CACNA2D3: variants seen among roughly 807,000 people sequenced by gnomAD.
CACNA2D3 encodes voltage-dependent calcium channel subunit alpha-2/delta-3.
Under a neutral mutation model 160.6 loss-of-function variants are expected in CACNA2D3, and 60 were observed. The observed-to-expected ratio is 0.37, with a 90% confidence interval of 0.30 to 0.46. The LOEUF (loss-of-function observed/expected upper bound fraction) is 0.46. CACNA2D3 is among the 20% of genes least tolerant of loss of function. The pLI, the probability that CACNA2D3 is intolerant of heterozygous loss-of-function variation, is 1.00. For missense variants in CACNA2D3, 1,205 were observed against 1,365.0 expected (o/e 0.88, Z 1.85); for synonymous variants, 558 against 492.9 (o/e 1.13, Z -1.75).
chr3:54,562,540 G>T (rs1360181556), intron 5 of CACNA2D3, among the ~76,000 whole-genome samples: 1 of 152,150 alleles, frequency 6.6e-6, no homozygotes, highest in East Asian at 1.9e-4. Context: ...ATATTGAAAG[G>T]TACAAATAAA....
chr3:54,504,090 G>A (rs750672041), intron 5 of CACNA2D3, among the ~76,000 whole-genome samples: 7 of 152,154 alleles, frequency 4.6e-5, no homozygotes, highest in Non-Finnish European at 8.8e-5. Context: ...CCCTGATGTG[G>A]TACCTTTGTT....
At chr3:55,057,886 G>A (rs1031109895) in intron 35 of CACNA2D3, among the ~76,000 whole-genome samples, 1 of 151,816 alleles carries the variant, frequency 6.6e-6, no homozygotes, top group African/African-American at 2.4e-5. Flanking sequence ...AAAATGCTTT[G>A]TTCATGTCAT....
intron 2 of CACNA2D3, among the ~76,000 whole-genome samples, chr3:54,250,991 T>G (rs1023606228): frequency 1.3e-5 from 2 of 152,004 alleles, no homozygotes; most frequent in African/African-American, 4.8e-5. Flanking sequence ...GCATTCTCAG[T>G]AGGAGAAACA....
chr3:54,416,425 A>C (rs1161163518), intron 4 of CACNA2D3, among the ~76,000 whole-genome samples: 2 of 151,902 alleles, frequency 1.3e-5, no homozygotes, highest in African/African-American at 4.8e-5. Context: ...TAGGCACCTG[A>C]CATCTAGTAG....
At position 55,033,784 on chromosome 3, in the gene CACNA2D3, A is replaced by G. The variant is rs1164647977; in HGVS notation, c.2987+15467A>G. On this transcript the variant is annotated intron_variant, in intron 35 of 37. Coordinates refer to ENST00000474759, the MANE Select transcript of CACNA2D3 (RefSeq NM_018398.3). ...ATATATTATATAATATGTATTATAT[A>G]TTAAATATATTTTATATAATATGTA... Among the ~76,000 whole-genome samples the G allele has an allele frequency of 1.9e-4, 17 of 89,714 alleles. 1 individual carries two copies. Among genetic ancestry groups the G allele is most frequent in the Non-Finnish European group, 3.7e-4 (15 of 40,428 alleles). The allele number at this position is 89,714 out of a possible 152,430, so 58.9% of individuals were successfully genotyped here.
At chr3:54,433,063 G>A (rs1308566841) in intron 4 of CACNA2D3, among the ~76,000 whole-genome samples, 1 of 152,096 alleles carries the variant, frequency 6.6e-6, no homozygotes, top group Non-Finnish European at 1.5e-5. Context: ...ATGATTCCAA[G>A]CAAAAAATGA....
At chr3:54,476,086 C>G (rs1387269233) in intron 4 of CACNA2D3, among the ~76,000 whole-genome samples, 1 of 141,582 alleles carries the variant, frequency 7.1e-6, no homozygotes. Context: ...TAAGTGAGAT[C>G]ATGCAGTATT....
chr3:55,024,390 G>T (rs1031664322), intron 35 of CACNA2D3, among the ~76,000 whole-genome samples: 2 of 151,944 alleles, frequency 1.3e-5, no homozygotes, highest in Admixed American at 1.3e-4. Context: ...CTGAATGTTG[G>T]TGTCCCCCCA....
chr3:54,852,785 A>G (rs1173507680), intron 17 of CACNA2D3, among the ~76,000 whole-genome samples: 2 of 152,218 alleles, frequency 1.3e-5, no homozygotes, highest in Non-Finnish European at 2.9e-5. Context: ...CCCCATGGAC[A>G]CATGTGAATA....
chr3:54,979,028 T>A (rs1332937271), intron 29 of CACNA2D3, among the ~76,000 whole-genome samples: 2 of 152,250 alleles, frequency 1.3e-5, no homozygotes, highest in Non-Finnish European at 2.9e-5. Context: ...GGCTTTTAAA[T>A]TTGTCTTTGA....
At chr3:54,802,426 G>T (rs141976938) in intron 13 of CACNA2D3, among the ~76,000 whole-genome samples, 11 of 152,306 alleles carry the variant, frequency 7.2e-5, no homozygotes, top group Admixed American at 5.2e-4. Context: ...CCATGTGTTT[G>T]TAAGGAAATT....
intron 13 of CACNA2D3, among the ~76,000 whole-genome samples, chr3:54,766,652 G>A (rs1702230603): frequency 6.6e-6 from 1 of 152,112 alleles, no homozygotes; most frequent in Non-Finnish European, 1.5e-5. Context: ...TTTGTTCTTT[G>A]CAGAGCAGCT....
At chr3:54,697,418 C>T (rs1409153812) in intron 11 of CACNA2D3, among the ~76,000 whole-genome samples, 1 of 152,192 alleles carries the variant, frequency 6.6e-6, no homozygotes, top group Non-Finnish European at 1.5e-5. Flanking sequence ...GGACCACTGT[C>T]TTAGGGAACC....
intron 2 of CACNA2D3, among the ~76,000 whole-genome samples, chr3:54,212,816 G>T (rs1251931039): frequency 6.6e-6 from 1 of 152,132 alleles, no homozygotes; most frequent in Non-Finnish European, 1.5e-5. Flanking sequence ...GGAGGGCAGG[G>T]AGGGTTCAAT....
intron 3 of CACNA2D3, among the ~76,000 whole-genome samples, chr3:54,355,304 T>G (rs1698629751): frequency 6.6e-6 from 1 of 152,182 alleles, no homozygotes; most frequent in African/African-American, 2.4e-5. Context: ...TTGAAGTGTT[T>G]CCAGCAGGAG....
chr3:54,841,153 C>CT (rs1698811086), intron 16 of CACNA2D3, among the ~76,000 whole-genome samples: 1 of 152,202 alleles, frequency 6.6e-6, no homozygotes, highest in Non-Finnish European at 1.5e-5. Context: ...GAACTTCTTA[C>CT]TATGTGGTTG....
intron 2 of CACNA2D3, among the ~76,000 whole-genome samples, chr3:54,318,387 G>A (rs1399451296): frequency 6.6e-6 from 1 of 152,120 alleles, no homozygotes; most frequent in Non-Finnish European, 1.5e-5. Flanking sequence ...TCAGGGAGCG[G>A]GGGGAAACAT....
rs1553814182 is a variant in CACNA2D3 at position 54,736,052 on chromosome 3, C to CATACAT, written c.1168-16544_1168-16543insCATATA. On this transcript the variant is annotated intron_variant, in intron 11 of 37. Coordinates refer to ENST00000474759, the MANE Select transcript of CACNA2D3 (RefSeq NM_018398.3). ...ATATATATGTATATATATACACATA[C>CATACAT]ATATGTATGTATATATATATACATA... 8.5e-5 allele frequency among the ~76,000 whole-genome samples: 4 copies of CATACAT among 47,262 alleles called. 1 individual carries two copies. The highest frequency in any genetic ancestry group is 1.7e-4 in the Non-Finnish European group (4 of 23,858). The allele number at this position is 47,262 out of a possible 152,430, so 31.0% of individuals were successfully genotyped here.
chr3:54,231,172 G>C (rs1376176850), intron 2 of CACNA2D3, among the ~76,000 whole-genome samples: 4 of 152,166 alleles, frequency 2.6e-5, no homozygotes, highest in Non-Finnish European at 5.9e-5. Flanking sequence ...TTTGTGGCTG[G>C]GGATAGGGTC....
Sources: allele counts gnomAD v4.1 joint callset (sites outside exome capture counted in the v4.1 genomes callset), GRCh38; gene constraint gnomAD v4.1.1; transcripts MANE v1.5; gene names NCBI Gene and HGNC (gene_info 2026-07-23, HGNC 2026-07-21).